The following EPB41 variants were observed in gnomAD, a reference collection of about 807,000 sequenced individuals.
EPB41 encodes the protein protein 4.1.
A neutral mutation model predicts 108.0 loss-of-function variants in EPB41; 65 were observed. The ratio of observed to expected loss-of-function variants is 0.60; its 90% CI spans 0.49 to 0.74. EPB41 has a LOEUF of 0.74. Ranked by LOEUF, EPB41 falls within the 30% of genes least tolerant of loss-of-function variation. EPB41 has a pLI of 0.00. For missense variants in EPB41, 875 were observed against 1,037.0 expected, an observed-to-expected ratio of 0.84 and a Z score of 2.15; for synonymous variants, 336 against 358.9, an observed-to-expected ratio of 0.94 and a Z score of 0.72.
intron 17 of EPB41, among the ~76,000 whole-genome samples, chr1:29,106,564 ATTTT>A (rs1187973613): frequency 2.0e-5 from 1 of 50,882 alleles, no homozygotes; most frequent in Non-Finnish European, 3.3e-5. Context: ...AGTAGCTGGG[ATTTT>A]TTTTTTTTTT....
intron 1 of EPB41, among the ~76,000 whole-genome samples, chr1:28,905,395 G>C (rs1345220087): frequency 2.0e-5 from 3 of 151,810 alleles, no homozygotes; most frequent in African/African-American, 7.3e-5. Flanking sequence ...TACTCGGGAA[G>C]CTGAGGCAGG....
At chr1:29,081,361 C>G (rs1178428438) in intron 16 of EPB41, among the ~76,000 whole-genome samples, 2 of 152,162 alleles carry the variant, frequency 1.3e-5, no homozygotes, top group Non-Finnish European at 1.5e-5. Flanking sequence ...TATTGCCACT[C>G]TAATCTTACT....
intron 2 of EPB41, among the ~76,000 whole-genome samples, chr1:28,991,968 A>G (rs1344977343): frequency 6.6e-6 from 1 of 152,178 alleles, no homozygotes; most frequent in Non-Finnish European, 1.5e-5. Flanking sequence ...TGTTGTATAA[A>G]TGTTTGGTAT....
At chr1:29,000,158 G>C (rs972099270) in intron 4 of EPB41, among the ~76,000 whole-genome samples, 1 of 151,672 alleles carries the variant, frequency 6.6e-6, no homozygotes, top group Admixed American at 6.6e-5. Flanking sequence ...GAGTGCAATG[G>C]TGTGATCTCT....
At chr1:29,051,088 GTTTTTTTTTT>G (rs71586885) in intron 11 of EPB41, among the ~76,000 whole-genome samples, 610 of 51,562 alleles carry the variant, frequency 0.012, 4 homozygotes, top group Non-Finnish European at 0.015. Context: ...TTCTTTTTCT[GTTTTTTTTTT>G]TTTTTTTTTT....
intron 1 of EPB41, among the ~76,000 whole-genome samples, chr1:28,895,165 G>T (rs539762978): frequency 6.6e-6 from 1 of 152,322 alleles, no homozygotes; most frequent in South Asian, 2.1e-4. Flanking sequence ...TATCCATAAT[G>T]CTATTTGGCT....
chr1:28,902,499 C>A (rs2091410134), intron 1 of EPB41: 6 of 612,386 alleles, frequency 9.8e-6, no homozygotes, highest in African/African-American at 4.0e-5. Flanking sequence ...TCCTCTGGAA[C>A]TTTCCCCTTC....
chr1:29,071,215 G>C (rs1651209034), intron 16 of EPB41: 1 of 152,104 alleles, frequency 6.6e-6, no homozygotes. Flanking sequence ...GAGTATTTCT[G>C]AGCTGTACAG....
At chr1:29,066,506 A>G (rs1031998041) in intron 16 of EPB41, among the ~76,000 whole-genome samples, 1 of 152,216 alleles carries the variant, frequency 6.6e-6, no homozygotes, top group African/African-American at 2.4e-5. Flanking sequence ...TACCATGAAC[A>G]TATACCCCAA....
At chr1:29,112,308 CTTTTT>C in intron 18 of EPB41, 55 bp from the exon 19 acceptor site, 1 of 1,401,354 alleles carries the variant, frequency 7.1e-7, no homozygotes, top group Non-Finnish European at 1.0e-6. Flanking sequence ...GCCTCTTTTT[CTTTTT>C]TTTTAATTCT....
chr1:29,005,112 C>G (rs898374736), intron 4 of EPB41, among the ~76,000 whole-genome samples: 2 of 152,128 alleles, frequency 1.3e-5, no homozygotes, highest in African/African-American at 4.8e-5. Flanking sequence ...GTTTAATTGG[C>G]TCATGGTTCT....
At chr1:28,989,283 A>T in intron 2 of EPB41, 1 of 538,300 alleles carries the variant, frequency 1.9e-6, no homozygotes, top group Non-Finnish European at 2.4e-6. Context: ...TTGTGAGTTT[A>T]TTTGTCCCAA....
At chr1:28,964,074 T>C (rs2095296198) in intron 1 of EPB41, among the ~76,000 whole-genome samples, 2 of 152,202 alleles carry the variant, frequency 1.3e-5, no homozygotes, top group South Asian at 4.1e-4. Context: ...AGTCTATTTC[T>C]ATTTCCTGTA....
intron 1 of EPB41, among the ~76,000 whole-genome samples, chr1:28,971,157 CT>C (rs1012188921): frequency 1.7e-4 from 20 of 116,400 alleles, no homozygotes; most frequent in East Asian, 5.3e-4. Flanking sequence ...CGCATTTAAT[CT>C]TTTTTTTTTC....
At chr1:29,096,209 A>G (rs1380036571) in intron 16 of EPB41, 1 of 985,874 alleles carries the variant, frequency 1.0e-6, no homozygotes, top group South Asian at 4.7e-5. Flanking sequence ...GGGGCCATCT[A>G]CTAACCCTGA....
chr1:29,080,221 C>T lies in EPB41; in HGVS notation c.2184+15063C>T, dbSNP rs370641011. On this transcript the variant is annotated intron_variant, in intron 16 of 20. Coordinates refer to ENST00000343067, the MANE Select transcript of EPB41 (RefSeq NM_001376013.1). ...ACAACCTCTCCCTCCCGGGTTCAAG[C>T]GATTCTCCTGCCTCAGTCTCCCGAG... Among the ~76,000 whole-genome samples, 18 of 151,472 alleles carry T rather than the reference C, an allele frequency of 1.2e-4. No individual in the cohort carries two copies. The East Asian group carries it at 2.3e-3, about 20-fold the overall frequency.
chr1:28,908,021 G>A (rs1570322961), intron 1 of EPB41, among the ~76,000 whole-genome samples: 2 of 151,910 alleles, frequency 1.3e-5, no homozygotes, highest in East Asian at 3.9e-4. Context: ...TAATAATATT[G>A]CCTAAGTATT....
chr1:29,072,199 G>A (rs894108511), intron 16 of EPB41: 2 of 151,982 alleles, frequency 1.3e-5, no homozygotes, highest in Non-Finnish European at 2.9e-5. Context: ...TATATATTTT[G>A]TAAATAAGTA....
At chr1:29,049,240 A>G (rs1442002602) in intron 11 of EPB41, among the ~76,000 whole-genome samples, 1 of 152,210 alleles carries the variant, frequency 6.6e-6, no homozygotes, top group Non-Finnish European at 1.5e-5. Context: ...TTTTTCTTGC[A>G]CTTTTTGCTT....
Sources: allele counts gnomAD v4.1 joint callset (sites outside exome capture counted in the v4.1 genomes callset), GRCh38; gene constraint gnomAD v4.1.1; transcripts MANE v1.5; gene names NCBI Gene and HGNC (gene_info 2026-07-23, HGNC 2026-07-21).